Variants in MYOF observed in about 807,000 individuals in gnomAD.
MYOF encodes fer-1-like 3, myoferlin.
Under a neutral mutation model 284.2 loss-of-function variants are expected in MYOF, and 244 were observed. The ratio of observed to expected loss-of-function variants is 0.86; its 90% confidence interval spans 0.77 to 0.95. MYOF has a LOEUF of 0.95. Ranked by LOEUF, MYOF falls within the 40% of genes least tolerant of loss-of-function variation. The pLI is 0.00. For missense variants in MYOF, 2,496 were observed against 2,560.6 expected (o/e 0.97, Z 0.54); for synonymous variants, 904 against 919.7 (o/e 0.98, Z 0.31).
chr10:93,397,139 C>T, intron 15 of MYOF, 108 bp downstream of exon 15: 5 of 965,570 alleles, frequency 5.2e-6, no homozygotes, highest in South Asian at 1.9e-5. Context: ...TTTATCCTCT[C>T]CTCTGGAAGG....
Position 93,313,064 on chromosome 10 carries a change from A to T in MYOF, c.5845T>A (p.Trp1949Arg). 6.2e-7 allele frequency: 1 copy of T among 1,613,884 alleles called. No individual in the cohort carries two copies. The highest frequency in any genetic ancestry group is 8.5e-7 in the Non-Finnish European group (1 of 1,179,914). ...SLFEQKSMKG[W>R]WPCYAEKDGA... ...TCTTTCTCTGCGTAGCATGGCCACC[A>T]TCCTTTCATGGACTTCTGCTCAAAG... The change falls in exon 51 of 54, where the codon TGG becomes AGG. Residue 1949 changes from tryptophan (W) to arginine (R), a missense_variant. This residue lies in a region of MYOF where 2,436 missense variants were observed against 2,480.7 expected (regional missense o/e 0.98). Transcript: ENST00000359263.
Position 93,311,588 on chromosome 10 carries a change from CTAAA to C in MYOF, c.5890-949_5890-946del, listed in dbSNP as rs761828652. Among the ~76,000 whole-genome samples the C allele has an allele frequency of 2.4e-3, 355 of 147,772 alleles. 3 individuals carry two copies. Among genetic ancestry groups the C allele is most frequent in the Middle Eastern group, 3.5e-3 (1 of 282 alleles). The stretch of plus-strand genomic sequence containing the variant: ...TGGGTGACAGAGTGAGACTTCATCT[CTAAA>C]AAAAAAAAAAAAAGCAACAAACCTG... On this transcript the variant is annotated intron_variant, in intron 51 of 53. Transcript: ENST00000359263.
At chr10:93,425,773 C>T (rs1848562920) in intron 5 of MYOF, 4 of 420,882 alleles carry the variant, frequency 9.5e-6, no homozygotes, top group Non-Finnish European at 1.8e-5. Flanking sequence ...GGGTGGAAGC[C>T]ACAAACCTGA....
chr10:93,467,888 G>A (rs1384805638), intron 1 of MYOF, among the ~76,000 whole-genome samples: 1 of 152,204 alleles, frequency 6.6e-6, no homozygotes, highest in Non-Finnish European at 1.5e-5. Context: ...GCCACTGCAG[G>A]CAGAGGGTGC....
chr10:93,475,055 C>T (rs768040074), intron 1 of MYOF, among the ~76,000 whole-genome samples: 2 of 152,122 alleles, frequency 1.3e-5, no homozygotes, highest in African/African-American at 2.4e-5. Context: ...GGGCTTGAAG[C>T]TGCAGATTGT....
intron 19 of MYOF, among the ~76,000 whole-genome samples, chr10:93,385,384 G>A (rs1564671222): frequency 3.3e-5 from 5 of 152,208 alleles, no homozygotes; most frequent in African/African-American, 9.7e-5. Context: ...CTCTGCTTTA[G>A]AAAGATGGGG....
chr10:93,464,279 C>T (rs1411844705), intron 1 of MYOF, among the ~76,000 whole-genome samples: 2 of 152,152 alleles, frequency 1.3e-5, no homozygotes, highest in Non-Finnish European at 2.9e-5. Context: ...TGCTGGCCCG[C>T]CCTGCAAATT....
intron 4 of MYOF, among the ~76,000 whole-genome samples, chr10:93,429,996 G>A (rs1277660768): frequency 9.9e-5 from 15 of 150,892 alleles, no homozygotes; most frequent in East Asian, 3.9e-4. Flanking sequence ...GTGCAGTGGC[G>A]CGATCTTGGC....
chr10:93,425,405 G>A (rs1248381986), intron 5 of MYOF, among the ~76,000 whole-genome samples: 3 of 152,060 alleles, frequency 2.0e-5, no homozygotes, highest in Non-Finnish European at 2.9e-5. Flanking sequence ...GAGGGGGTCC[G>A]ACTCAGCTGC....
intron 30 of MYOF, 42 bp downstream of exon 30, chr10:93,356,633 T>A: frequency 1.3e-6 from 2 of 1,580,984 alleles, no homozygotes; most frequent in Non-Finnish European, 1.7e-6. Flanking sequence ...ATATATTTTC[T>A]CTACACCAAT....
At chr10:93,327,459 C>T (rs1843101690) in intron 45 of MYOF, among the ~76,000 whole-genome samples, 1 of 152,084 alleles carries the variant, frequency 6.6e-6, no homozygotes, top group Non-Finnish European at 1.5e-5. Flanking sequence ...CAGAACTGTT[C>T]ACCTGAGCCC....
chr10:93,476,709 A>G (rs1249631407), intron 1 of MYOF, among the ~76,000 whole-genome samples: 2 of 152,180 alleles, frequency 1.3e-5, no homozygotes, highest in Non-Finnish European at 2.9e-5. Flanking sequence ...TTTCAAAAGA[A>G]AAAAGGACTC....
rs1251026267 is a variant in MYOF at position 93,374,944 on chromosome 10, G to A, written c.2120C>T (p.Pro707Leu). Residue 707 changes from proline to leucine, a missense_variant, in exon 23 of 54, where the codon CCT becomes CTT. By Grantham distance (98) the Pro-to-Leu change is moderately conservative (BLOSUM62 -3). This residue lies in a region of MYOF where 2,436 missense variants were observed against 2,480.7 expected (regional missense o/e 0.98). Transcript: ENST00000359263. ...GACGTTGGCTTTTCCTTCTGTGAGA[G>A]GCAACGTGTATCTAGAAAAATGAAG... ...EVIEDTRYTL[P>L]LTEGKANVTV... 6.2e-7 allele frequency: 1 copy of A among 1,611,090 alleles called. No homozygotes were observed. The highest frequency in any genetic ancestry group is 8.5e-7 in the Non-Finnish European group (1 of 1,179,276).
At chr10:93,427,702 G>A (rs1848660236) in intron 4 of MYOF, among the ~76,000 whole-genome samples, 1 of 151,936 alleles carries the variant, frequency 6.6e-6, no homozygotes. Context: ...CCTCCGAAAT[G>A]CCTAGAGCCA....
At chr10:93,471,929 G>C (rs2057156248) in intron 1 of MYOF, among the ~76,000 whole-genome samples, 1 of 150,698 alleles carries the variant, frequency 6.6e-6, no homozygotes, top group South Asian at 2.1e-4. Context: ...CCAACTGGAA[G>C]ACCTGGTATT....
At chr10:93,448,564 C>A (rs1764787702) in intron 3 of MYOF, among the ~76,000 whole-genome samples, 1 of 152,160 alleles carries the variant, frequency 6.6e-6, no homozygotes, top group Admixed American at 6.5e-5. Flanking sequence ...CAGCCCATTG[C>A]CATGCTAAAA....
chr10:93,352,993 A>G (rs1012140879), intron 32 of MYOF, among the ~76,000 whole-genome samples: 1 of 152,212 alleles, frequency 6.6e-6, no homozygotes, highest in African/African-American at 2.4e-5. Context: ...TGAGCACATG[A>G]GAGTGTCAGT....
Position 93,351,662 on chromosome 10 carries a change from T to C in MYOF, c.3663+3A>G, listed in dbSNP as rs370820028. On this transcript the variant is annotated splice_donor_region_variant and intron_variant, in intron 33 of 53. Transcript: ENST00000359263. ...GTTATCTTAGAAATTCTAAACGACC[T>C]ACCACTTGGTCATTGTCAAAAAGTT... 3.7e-5 allele frequency: 58 copies of C among 1,588,828 alleles called. No homozygotes were observed. Among genetic ancestry groups the C allele is most frequent in the Non-Finnish European group, 4.9e-5 (57 of 1,168,722 alleles).
chr10:93,310,571 C>T lies in MYOF; in HGVS notation c.5962G>A (p.Asp1988Asn), dbSNP rs1229207662. The T allele has an allele frequency of 3.1e-6, 5 of 1,614,174 alleles. No homozygotes were observed. The South Asian group carries it at 4.4e-5, about 14-fold the overall frequency. The change falls in exon 52 of 54, where the codon GAC becomes AAC. Residue 1988 changes from aspartate (D) to asparagine (N), a missense_variant. Physicochemically the swap from Asp to Asn is conservative, Grantham distance 23. Transcript: ENST00000359263. Reference sequence around the variant, plus strand: ...AGCTTGGGGTTCATGTTGGGTTCGTCCCGCCCCTTCCCGGCTGGCCTCTCG... The same window carrying T: ...AGCTTGGGGTTCATGTTGGGTTCGTTCCGCCCCTTCCCGGCTGGCCTCTCG... The part of the protein sequence containing the change: ...ADERPAGKGR[D>N]EPNMNPKLDL...
Sources: gnomAD v4.1 joint callset for allele counts (sites outside exome capture counted in the v4.1 genomes callset) on GRCh38, gnomAD v4.1.1 for gene constraint, gnomAD v4.1.1 regional missense constraint, MANE v1.5 for transcripts, NCBI Gene and HGNC (gene_info 2026-07-23, HGNC 2026-07-21) for gene names.